Variants in FCRL1 observed in about 807,000 individuals in gnomAD.
FCRL1 encodes Fc receptor-like protein 1.
Under a neutral mutation model 49.2 loss-of-function variants are expected in FCRL1, and 34 were observed. The ratio of observed to expected loss-of-function variants is 0.69; its 90% CI spans 0.53 to 0.92. The LOEUF (loss-of-function observed/expected upper bound fraction) is 0.92, where lower values mean the gene tolerates loss of function less well. FCRL1 is among the 40% of genes least tolerant of loss of function. The pLI is 0.00. For synonymous variants in FCRL1, 218 were observed against 201.6 expected, an observed-to-expected ratio of 1.08 and a Z score of -0.69; for missense variants, 524 against 524.1, an observed-to-expected ratio of 1.00 and a Z score of 0.00.
chr1:157,795,987 G>T lies in FCRL1; in HGVS notation c.*112C>A. 2 of 881,076 alleles carry T rather than the reference G, an allele frequency of 2.3e-6. No individual in the cohort carries two copies. Among genetic ancestry groups the T allele is most frequent in the Non-Finnish European group, 1.9e-6 (1 of 532,046 alleles). The allele number at this position is 881,076 out of a possible 1,614,324, so 54.6% of individuals were successfully genotyped here. ...TGAAGGAATAGTGCCATGGAGAATG[G>T]CATCCAGAAGAGGTATACTGGAAAG... On this transcript the variant is annotated 3_prime_UTR_variant, in exon 11 of 11. Transcript: ENST00000368176.
intron 6 of FCRL1, among the ~76,000 whole-genome samples, chr1:157,801,052 C>A (rs1054147076): frequency 1.4e-4 from 22 of 152,062 alleles, no homozygotes; most frequent in Admixed American, 6.6e-5. Flanking sequence ...TCACCACGCC[C>A]AGCTAATTTT....
intron 2 of FCRL1, 137 bp downstream of exon 2, chr1:157,806,965 G>C (rs550896263): frequency 3.4e-6 from 3 of 881,012 alleles, no homozygotes; most frequent in Admixed American, 2.4e-5. Flanking sequence ...ACTGATGTTT[G>C]TACACCTCAG....
intron 5 of FCRL1, 49 bp downstream of exon 5, chr1:157,801,866 C>T (rs374261225): frequency 5.1e-5 from 80 of 1,559,814 alleles, no homozygotes; most frequent in Middle Eastern, 3.5e-4. Flanking sequence ...TCTCCCAGGA[C>T]GCTGGGAAGG....
rs964555772 is a variant in FCRL1 at position 157,804,250 on chromosome 1, C to CT, written c.53-140_53-139insA. On this transcript the variant is annotated intron_variant, in intron 2 of 10. Transcript: ENST00000368176. ...CAGGCCACCCTACATGTCTCCACCC[C>CT]CCCCCCAGTGGCCCATGGGCTTTCC... 7.2e-6 allele frequency: 7 copies of CT among 977,158 alleles called. No homozygotes were observed. The Admixed American group carries it at 1.4e-4, about 19-fold the overall frequency. 60.5% of individuals were successfully genotyped at this position (977,158 alleles called of 1,614,324 possible). A position where few individuals can be genotyped will look rare whatever the true frequency, so the allele number is the denominator to read the frequency against.
chr1:157,804,130 C>T lies in FCRL1; in HGVS notation c.53-19G>A, dbSNP rs746908643. 34 of 1,612,072 alleles carry T rather than the reference C, an allele frequency of 2.1e-5. No individual in the cohort carries two copies. Among genetic ancestry groups the T allele is most frequent in the Middle Eastern group, 3.3e-4 (2 of 6,070 alleles). On this transcript the variant is annotated intron_variant, in intron 2 of 10. Transcript: ENST00000368176. ...AACAGCTCTAGAGAGAGGAATTAAACACAAATGATTAATGCGGTTCGGAAT... is the reference window on the plus strand; with the variant it reads ...AACAGCTCTAGAGAGAGGAATTAAATACAAATGATTAATGCGGTTCGGAAT...
Position 157,799,966 on chromosome 1 carries a change from G to A in FCRL1, c.1031+92C>T, listed in dbSNP as rs74121536. On this transcript the variant is annotated intron_variant, in intron 7 of 10. Coordinates refer to ENST00000368176, the MANE Select transcript of FCRL1 (RefSeq NM_052938.5). ...GTGAGTTCTGGGTATAATAAAGCCG[G>A]AAAAAAAATGCTCAGGAGAGAACAA... 5.5e-3 allele frequency: 6,699 copies of A among 1,210,048 alleles called. 265 individuals are homozygous for A. In the African/African-American group the frequency reaches 0.087, roughly 16 times the overall value. 75.0% of individuals were successfully genotyped at this position (1,210,048 alleles called of 1,614,324 possible).
At chr1:157,812,431 T>G (rs137872923) in intron 1 of FCRL1, among the ~76,000 whole-genome samples, 147 of 152,266 alleles carry the variant, frequency 9.7e-4, no homozygotes, top group African/African-American at 3.5e-3. Context: ...GTCACCAGTA[T>G]GTAATACACT....
chr1:157,808,612 T>C (rs1342635353), intron 1 of FCRL1, among the ~76,000 whole-genome samples: 24 of 152,190 alleles, frequency 1.6e-4, no homozygotes, highest in Non-Finnish European at 8.8e-5. Flanking sequence ...GCAATAGTTT[T>C]GGATTTCATT....
intron 2 of FCRL1, chr1:157,806,879 G>A (rs1421573189): frequency 2.0e-6 from 1 of 508,056 alleles, no homozygotes; most frequent in Non-Finnish European, 3.6e-6. Context: ...AGCAAGACCT[G>A]TTCACCCCAC....
intron 10 of FCRL1, among the ~76,000 whole-genome samples, chr1:157,796,530 G>C (rs1651517711): frequency 6.6e-6 from 1 of 152,148 alleles, no homozygotes; most frequent in South Asian, 2.1e-4. Context: ...TTTGAATTTT[G>C]TTCTGAGATA....
chr1:157,797,765 C>T, intron 9 of FCRL1, 103 bp downstream of exon 9: 1 of 1,599,502 alleles, frequency 6.3e-7, no homozygotes, highest in Non-Finnish European at 8.5e-7. Context: ...TCACAGCCTT[C>T]TGCTCTGAGG....
rs200416538 is a variant in FCRL1, at chr1:157,802,111, C to A, written c.690G>T (p.Glu230Asp). ...AVEDVLELHC[E>D]ALRGSPPILY... The stretch of plus-strand genomic sequence containing the variant: ...GGATCGGAGGAGAGCCTCTCAGGGC[C>A]TCACAGTGAAGCTCCAGCACATCCT... Residue 230 changes from glutamate (E) to aspartate (D), a missense_variant, in exon 5 of 11, where the codon GAG (glutamate) becomes GAT (aspartate). Glu to Asp is a conservative substitution (Grantham distance 45). Transcript: ENST00000368176. 6 of 1,614,204 alleles carry A rather than the reference C, an allele frequency of 3.7e-6. No homozygotes were observed. The Admixed American group carries it at 1.0e-4, about 27-fold the overall frequency.
rs1653552505 is a variant in FCRL1 at position 157,806,907 on chromosome 1, G to C, written c.52+195C>G. 5.3e-6 allele frequency: 3 copies of C among 564,326 alleles called. No homozygotes were observed. In the African/African-American group the frequency reaches 5.7e-5, roughly 11 times the overall value. 35.0% of individuals were successfully genotyped at this position (564,326 alleles called of 1,614,324 possible). A position where few individuals can be genotyped will look rare whatever the true frequency, so the allele number is the denominator to read the frequency against. ...CACCCCACTGAGCAGACACGTGTCAGGTGCAGAGACTGATGTGAAGACAGA... is the reference window on the plus strand; with the variant it reads ...CACCCCACTGAGCAGACACGTGTCACGTGCAGAGACTGATGTGAAGACAGA... On this transcript the variant is annotated intron_variant, in intron 2 of 10. Coordinates refer to ENST00000368176, the MANE Select transcript of FCRL1 (RefSeq NM_052938.5).
At chr1:157,799,966 GA>G in intron 7 of FCRL1, 91 bp downstream of exon 7, 93 of 1,209,536 alleles carry the variant, frequency 7.7e-5, no homozygotes, top group South Asian at 1.7e-4. Flanking sequence ...AATAAAGCCG[GA>G]AAAAAAATGC....
rs1557890373 is a variant in FCRL1, at chr1:157,797,869, T to C, written c.1185A>G (p.Ala395=). 6.2e-7 allele frequency: 1 copy of C among 1,614,208 alleles called. No homozygotes were observed. Among genetic ancestry groups the C allele is most frequent in the Non-Finnish European group, 8.5e-7 (1 of 1,180,020 alleles). Residue 395 remains alanine, a splice_region_variant and synonymous_variant, in exon 9 of 11, where the codon GCA becomes GCG. Coordinates refer to ENST00000368176, the MANE Select transcript of FCRL1 (RefSeq NM_052938.5). Reference sequence around the variant, plus strand: ...CAAATTTACTCCCCCATGTCTCACCTGCTACTGATTCCTGCTCCGGCTGGT... The same window carrying C: ...CAAATTTACTCCCCCATGTCTCACCCGCTACTGATTCCTGCTCCGGCTGGT... ...YYNQPEQESV[A]AETLGTHMED... is the part of the protein sequence containing the mutation.
At position 157,800,857 on chromosome 1, in the gene FCRL1, T is replaced by G. The variant is rs535885218; in HGVS notation, c.1003+604A>C. 9.1e-4 allele frequency among the ~76,000 whole-genome samples: 138 copies of G among 151,754 alleles called. 1 individual carries two copies. Among genetic ancestry groups the G allele is most frequent in the Non-Finnish European group, 7.4e-5 (5 of 67,894 alleles). On this transcript the variant is annotated intron_variant, in intron 6 of 10. Transcript: ENST00000368176. ...GGATAGCTGGAACTGCTAACAGTAT[T>G]TCTCTTCTGTGGCAGATTATGTTAA...
chr1:157,801,939 C>G lies in FCRL1; in HGVS notation c.862G>C (p.Glu288Gln). The G allele has an allele frequency of 1.9e-6, 3 of 1,613,958 alleles. No individual in the cohort carries two copies. Among genetic ancestry groups the G allele is most frequent in the Non-Finnish European group, 2.5e-6 (3 of 1,179,900 alleles). ...ANNGLGAQRS[E>Q]AVTLNFTVPT... ...CCTGTGAAGTTGAGTGTCACCGCCT[C>G]ACTGCGCTGGGCCCCCAGGCCATTG... Residue 288 changes from glutamate to glutamine, a missense_variant, in exon 5 of 11, where the codon GAG (glutamate) becomes CAG (glutamine). Coordinates refer to ENST00000368176, the MANE Select transcript of FCRL1 (RefSeq NM_052938.5).
chr1:157,808,219 C>G (rs1399460941), intron 1 of FCRL1, among the ~76,000 whole-genome samples: 2 of 151,954 alleles, frequency 1.3e-5, no homozygotes, highest in Non-Finnish European at 2.9e-5. Context: ...TCTTTGATGT[C>G]AAGAAATTCA....
intron 1 of FCRL1, among the ~76,000 whole-genome samples, chr1:157,811,369 C>T (rs983771651): frequency 2.0e-5 from 3 of 152,206 alleles, no homozygotes; most frequent in Admixed American, 6.5e-5. Flanking sequence ...TGGAACCCTG[C>T]AACCTGCCTC....
Sources: gnomAD v4.1 joint callset for allele counts (sites outside exome capture counted in the v4.1 genomes callset) on GRCh38, gnomAD v4.1.1 for gene constraint, MANE v1.5 for transcripts, NCBI Gene and HGNC (gene_info 2026-07-23, HGNC 2026-07-21) for gene names.